Variants in DISC1 observed in about 807,000 individuals in gnomAD.
DISC1 encodes the protein DISC1 scaffold protein.
In DISC1, 57 loss-of-function variants were observed where a neutral mutation model predicts 84.5. That is an observed-to-expected ratio of 0.67 (90% CI 0.55 to 0.84). DISC1 has a LOEUF of 0.84. Ranked by LOEUF, DISC1 falls within the 40% of genes least tolerant of loss-of-function variation. DISC1 has a pLI of 0.00. For missense variants in DISC1, 1,000 were observed against 1,057.8 expected, an observed-to-expected ratio of 0.95 and a Z score of 0.76; for synonymous variants, 411 against 415.2, an observed-to-expected ratio of 0.99 and a Z score of 0.12.
intron 6 of DISC1, chr1:231,774,769 G>C (rs773980107): frequency 4.4e-6 from 2 of 456,078 alleles, no homozygotes; most frequent in South Asian, 3.1e-5. Context: ...TGGATCTGCA[G>C]AAGTGAAGCA....
At chr1:231,722,924 GA>G in intron 3 of DISC1, 5 of 1,272,786 alleles carry the variant, frequency 3.9e-6, no homozygotes, top group Non-Finnish European at 5.0e-6. Context: ...TTGTAGGGGG[GA>G]GAAACCACCC....
chr1:231,933,469 G>A (rs976757940), intron 9 of DISC1, among the ~76,000 whole-genome samples: 2 of 152,060 alleles, frequency 1.3e-5, no homozygotes, highest in African/African-American at 4.8e-5. Context: ...TCATCCTGTC[G>A]TTTTAAGGTT....
intron 12 of DISC1, among the ~76,000 whole-genome samples, chr1:232,036,323 G>C (rs1412118250): frequency 6.6e-6 from 1 of 152,144 alleles, no homozygotes; most frequent in Non-Finnish European, 1.5e-5. Context: ...CCACTGTCAA[G>C]AGTATTTGCA....
chr1:231,719,700 T>C (rs2069345785), intron 3 of DISC1, among the ~76,000 whole-genome samples: 2 of 152,250 alleles, frequency 1.3e-5, no homozygotes, highest in African/African-American at 4.8e-5. Flanking sequence ...CTGCTAGAGA[T>C]AGGCTTTTTA....
chr1:231,703,812 A>G (rs1288344381), intron 3 of DISC1, among the ~76,000 whole-genome samples: 1 of 152,182 alleles, frequency 6.6e-6, no homozygotes, highest in Non-Finnish European at 1.5e-5. Flanking sequence ...CTCACTACTT[A>G]CTACATCAGA....
intron 9 of DISC1, among the ~76,000 whole-genome samples, chr1:231,848,181 A>G (rs1286829385): frequency 3.9e-5 from 6 of 152,162 alleles, no homozygotes; most frequent in African/African-American, 1.4e-4. Flanking sequence ...GACGCGTATC[A>G]ATGCCGCCTT....
At chr1:231,678,349 G>A (rs2063355252) in intron 1 of DISC1, among the ~76,000 whole-genome samples, 3 of 152,244 alleles carry the variant, frequency 2.0e-5, no homozygotes, top group Admixed American at 6.5e-5. Flanking sequence ...CTGTCTGCTC[G>A]GCAGGCGGGC....
intron 3 of DISC1, among the ~76,000 whole-genome samples, chr1:231,742,302 A>T (rs887740165): frequency 6.6e-6 from 1 of 152,136 alleles, no homozygotes; most frequent in Non-Finnish European, 1.5e-5. Flanking sequence ...GTCAGAATGG[A>T]GGTAGGATGC....
At chr1:231,963,390 A>T (rs573636216) in intron 10 of DISC1, among the ~76,000 whole-genome samples, 46 of 152,322 alleles carry the variant, frequency 3.0e-4, no homozygotes, top group Non-Finnish European at 2.9e-5. Flanking sequence ...AATTTCATAT[A>T]GTTAACCCAA....
At chr1:231,945,530 C>T (rs1341667652) in intron 9 of DISC1, among the ~76,000 whole-genome samples, 1 of 152,126 alleles carries the variant, frequency 6.6e-6, no homozygotes, top group African/African-American at 2.4e-5. Context: ...AAAATTGACA[C>T]CCTAGCATCA....
chr1:231,933,873 G>T (rs2090820473), intron 9 of DISC1, among the ~76,000 whole-genome samples: 1 of 152,168 alleles, frequency 6.6e-6, no homozygotes, highest in African/African-American at 2.4e-5. Flanking sequence ...ACAAATCTGA[G>T]TCAGGGTGAG....
intron 9 of DISC1, among the ~76,000 whole-genome samples, chr1:231,875,366 T>C (rs1219736451): frequency 6.6e-6 from 1 of 152,008 alleles, no homozygotes; most frequent in Admixed American, 6.6e-5. Context: ...TGAAGGCCAC[T>C]TGTCAGCCGA....
intron 8 of DISC1, among the ~76,000 whole-genome samples, chr1:231,804,917 TAC>T (rs1171670156): frequency 6.6e-6 from 1 of 152,098 alleles, no homozygotes; most frequent in East Asian, 1.9e-4. Flanking sequence ...GGCCATGTTG[TAC>T]ACAGAGGGAT....
In DISC1 at chr1:231,962,007, G is replaced by A. The variant is rs1660453905; in HGVS notation, c.2042+3119G>A. ...TTACATTACCACCAACAATGTATAA[G>A]TGTTCCCTTTTCTTCACAACCTCTC... On this transcript the variant is annotated intron_variant, in intron 10 of 12. Coordinates refer to ENST00000439617, the MANE Select transcript of DISC1 (RefSeq NM_018662.3). Among the ~76,000 whole-genome samples, 4 of 152,344 alleles carry A rather than the reference G, an allele frequency of 2.6e-5. No homozygotes were observed. The South Asian group carries it at 8.3e-4, about 32-fold the overall frequency.
intron 6 of DISC1, among the ~76,000 whole-genome samples, chr1:231,773,555 T>C (rs1163544504): frequency 6.6e-6 from 1 of 152,098 alleles, no homozygotes; most frequent in Non-Finnish European, 1.5e-5. Flanking sequence ...CAGCTAATTT[T>C]TTGTATTTTT....
intron 1 of DISC1, among the ~76,000 whole-genome samples, chr1:231,658,463 C>T (rs1094652): frequency 0.95 from 144,819 of 152,290 alleles, 68,917 homozygotes; most frequent in East Asian, 1. Flanking sequence ...ATTTGAACAC[C>T]CTTTATTTTG....
chr1:231,644,295 AT>A lies in DISC1; in HGVS notation c.67+17364del, dbSNP rs2059958465. Among the ~76,000 whole-genome samples, 4 of 152,208 alleles carry A rather than the reference AT, an allele frequency of 2.6e-5. No homozygotes were observed. In the South Asian group the frequency reaches 8.3e-4, roughly 31 times the overall value. ...CCTGTACATATCCTTCAGAATGGAC[AT>A]TTGTTAACAATGGGTAAGAGTGTAG... On this transcript the variant is annotated intron_variant, in intron 1 of 12. Coordinates refer to ENST00000439617, the MANE Select transcript of DISC1 (RefSeq NM_018662.3).
chr1:231,688,814 A>G (rs905356894), intron 1 of DISC1, among the ~76,000 whole-genome samples: 3 of 152,216 alleles, frequency 2.0e-5, no homozygotes, highest in African/African-American at 4.8e-5. Context: ...GAATTGTTTT[A>G]TGGAAATGGA....
chr1:231,669,879 C>G (rs950260486), intron 1 of DISC1, among the ~76,000 whole-genome samples: 1 of 151,696 alleles, frequency 6.6e-6, no homozygotes, highest in Non-Finnish European at 1.5e-5. Context: ...GGGTATATAC[C>G]CAAAGGAATA....
Sources: allele counts gnomAD v4.1 joint callset (sites outside exome capture counted in the v4.1 genomes callset), GRCh38; gene constraint gnomAD v4.1.1; transcripts MANE v1.5; gene names NCBI Gene and HGNC (gene_info 2026-07-23, HGNC 2026-07-21).